GRID2: variants seen among roughly 807,000 people sequenced by gnomAD.
GRID2 encodes the protein glutamate receptor ionotropic, delta-2.
A neutral mutation model predicts 114.8 loss-of-function variants in GRID2; 33 were observed. The observed-to-expected ratio is 0.29, with a 90% confidence interval of 0.22 to 0.38. GRID2 has a LOEUF of 0.38. GRID2 is among the 10% of genes least tolerant of loss of function. The pLI is 1.00. For missense variants in GRID2, 1,184 were observed against 1,257.7 expected (o/e 0.94, Z 0.89); for synonymous variants, 505 against 449.9 (o/e 1.12, Z -1.55).
intron 10 of GRID2, among the ~76,000 whole-genome samples, chr4:93,442,244 T>C (rs1470160048): frequency 1.3e-5 from 2 of 152,042 alleles, no homozygotes; most frequent in Non-Finnish European, 2.9e-5. Flanking sequence ...TTGACTGAAA[T>C]GTGTATTTGC....
chr4:92,991,620 A>C (rs1442543126), intron 2 of GRID2, among the ~76,000 whole-genome samples: 2 of 152,236 alleles, frequency 1.3e-5, no homozygotes, highest in Non-Finnish European at 2.9e-5. Context: ...AACAATTAAA[A>C]AGCAAGGAAA....
At chr4:93,292,298 A>T (rs918414850) in intron 8 of GRID2, among the ~76,000 whole-genome samples, 1 of 152,188 alleles carries the variant, frequency 6.6e-6, no homozygotes, top group Admixed American at 6.5e-5. Context: ...TGTCTTGCAC[A>T]TTATCTATGC....
intron 2 of GRID2, among the ~76,000 whole-genome samples, chr4:92,891,522 C>T (rs1746781677): frequency 6.6e-6 from 1 of 152,058 alleles, no homozygotes; most frequent in South Asian, 2.1e-4. Flanking sequence ...GGTTGCCTTC[C>T]TTTTCACTAG....
At chr4:93,669,807 A>G (rs1041000815) in intron 14 of GRID2, among the ~76,000 whole-genome samples, 1 of 152,072 alleles carries the variant, frequency 6.6e-6, no homozygotes, top group African/African-American at 2.4e-5. Flanking sequence ...CATTCCTCTC[A>G]CTGGGCTCCA....
chr4:92,530,036 A>T (rs1287813129), intron 1 of GRID2, among the ~76,000 whole-genome samples: 2 of 144,460 alleles, frequency 1.4e-5, no homozygotes, highest in East Asian at 4.0e-4. Flanking sequence ...AAGAAAGAGA[A>T]GGATAAGAAG....
At chr4:92,816,318 C>CAAAAAAAAAAAAAAAAAAAAAAAAAA (rs764487348) in intron 2 of GRID2, among the ~76,000 whole-genome samples, 9 of 48,254 alleles carry the variant, frequency 1.9e-4, no homozygotes, top group East Asian at 7.2e-4. Context: ...TCTGTCTCAC[C>CAAAAAAAAAAAAAAAAAAAAAAAAAA]AAAAAAAAAA....
chr4:92,915,809 A>C (rs1251533908), intron 2 of GRID2, among the ~76,000 whole-genome samples: 1 of 152,084 alleles, frequency 6.6e-6, no homozygotes, highest in Non-Finnish European at 1.5e-5. Context: ...CATTTCTCTA[A>C]TGATCAGTGA....
intron 1 of GRID2, among the ~76,000 whole-genome samples, chr4:92,322,167 T>C (rs1006381547): frequency 6.6e-6 from 1 of 152,174 alleles, no homozygotes; most frequent in Non-Finnish European, 1.5e-5. Flanking sequence ...CTACAACATA[T>C]AAATCAAAGT....
At chr4:92,914,240 G>T (rs1266909992) in intron 2 of GRID2, among the ~76,000 whole-genome samples, 1 of 152,014 alleles carries the variant, frequency 6.6e-6, no homozygotes, top group African/African-American at 2.4e-5. Flanking sequence ...GCATTAGATT[G>T]TGCATGGACA....
intron 11 of GRID2, among the ~76,000 whole-genome samples, chr4:93,463,010 C>A (rs1025309435): frequency 1.3e-5 from 2 of 152,062 alleles, no homozygotes; most frequent in African/African-American, 4.8e-5. Context: ...TAAAACAGCT[C>A]TCCATAATTT....
chr4:93,565,471 C>T (rs1735318920), intron 13 of GRID2, among the ~76,000 whole-genome samples: 3 of 152,046 alleles, frequency 2.0e-5, no homozygotes, highest in Admixed American at 2.0e-4. Context: ...TTTTTATGGA[C>T]AGAAGTTTAA....
At chr4:92,575,282 GT>G (rs1010518298) in intron 1 of GRID2, among the ~76,000 whole-genome samples, 1 of 152,122 alleles carries the variant, frequency 6.6e-6, no homozygotes, top group African/African-American at 2.4e-5. Flanking sequence ...AGCAAAGTTT[GT>G]TTTTATCTGC....
At chr4:93,237,812 A>G (rs900531805) in intron 7 of GRID2, among the ~76,000 whole-genome samples, 9 of 151,870 alleles carry the variant, frequency 5.9e-5, no homozygotes, top group African/African-American at 2.2e-4. Context: ...GCAAAAACAG[A>G]TTTCAAGCCT....
intron 13 of GRID2, among the ~76,000 whole-genome samples, chr4:93,572,163 T>C (rs1324637790): frequency 2.0e-5 from 3 of 152,116 alleles, no homozygotes; most frequent in Non-Finnish European, 4.4e-5. Flanking sequence ...TGTCAAACTT[T>C]AGAGGATTGT....
rs1472381171 is a variant in GRID2 at position 92,616,524 on chromosome 4, C to T, written c.244+26238C>T. Among the ~76,000 whole-genome samples the T allele has an allele frequency of 2.0e-5, 3 of 151,450 alleles. No individual in the cohort carries two copies. The South Asian group carries it at 6.2e-4, about 31-fold the overall frequency. ...GAATATATGAATTTAATACTAGCTT[C>T]TTGAAATTTGGGGAAATTTTTACCC... is the stretch of plus-strand genomic sequence containing the variant. On this transcript the variant is annotated intron_variant, in intron 2 of 15. Transcript: ENST00000282020.
chr4:93,042,667 C>A (rs575761285), intron 2 of GRID2, among the ~76,000 whole-genome samples: 294 of 144,048 alleles, frequency 2.0e-3, no homozygotes, highest in South Asian at 2.7e-3. Context: ...TTCTATCTCT[C>A]TCTCTATATA....
At chr4:92,426,416 T>C (rs745676792) in intron 1 of GRID2, among the ~76,000 whole-genome samples, 2 of 152,122 alleles carry the variant, frequency 1.3e-5, no homozygotes, top group African/African-American at 2.4e-5. Context: ...TGTAACACAG[T>C]TGGGAATAAC....
intron 10 of GRID2, among the ~76,000 whole-genome samples, chr4:93,448,814 CCCTTCCCTT>C (rs1722352852): frequency 1.0e-4 from 1 of 9,928 alleles, no homozygotes; most frequent in African/African-American, 4.4e-4. Flanking sequence ...CCCTTCCCTT[CCCTTCCCTT>C]CCCTTCCCTT....
intron 2 of GRID2, among the ~76,000 whole-genome samples, chr4:93,076,569 T>C (rs1729322762): frequency 6.6e-6 from 1 of 151,582 alleles, no homozygotes; most frequent in Admixed American, 6.6e-5. Flanking sequence ...GATGCAGTAT[T>C]ACTAACTGAG....
Sources: allele counts gnomAD v4.1 joint callset (sites outside exome capture counted in the v4.1 genomes callset), GRCh38; gene constraint gnomAD v4.1.1; transcripts MANE v1.5; gene names NCBI Gene and HGNC (gene_info 2026-07-23, HGNC 2026-07-21).